Variants in DTL observed in about 807,000 individuals in gnomAD.
The protein encoded by DTL is denticleless protein homolog.
DTL carries 46 observed loss-of-function variants against 87.0 expected under a neutral mutation model. The ratio of observed to expected loss-of-function variants is 0.53; its 90% CI spans 0.42 to 0.68. DTL has a LOEUF of 0.68. DTL is among the 30% of genes least tolerant of loss of function. The pLI is 0.00. For missense variants in DTL, 737 were observed against 869.4 expected (o/e 0.85, Z 1.91); for synonymous variants, 308 against 311.2 (o/e 0.99, Z 0.11).
At position 212,065,021 on chromosome 1, in the gene DTL, C is replaced by A; in HGVS notation, c.631C>A (p.Pro211Thr). ...KKKQNSKGLA[P>T]SVDFQQSVTV... ...GAAACAGAATTCAAAAGGACTTGCT[C>A]CTTCTGTGGTAAGGTTTTACAGATG... Residue 211 changes from proline to threonine, a missense_variant, in exon 7 of 15, where the codon CCT becomes ACT. By Grantham distance (38) the Pro-to-Thr change is conservative. Transcript: ENST00000366991. The A allele has an allele frequency of 6.2e-7, 1 of 1,612,058 alleles. No individual in the cohort carries two copies. The highest frequency in any genetic ancestry group is 8.5e-7 in the Non-Finnish European group (1 of 1,178,224).
At chr1:212,096,184 C>CT (rs1235588570) in intron 13 of DTL, among the ~76,000 whole-genome samples, 1 of 152,080 alleles carries the variant, frequency 6.6e-6, no homozygotes, top group Admixed American at 6.5e-5. Context: ...CTTGAATGAT[C>CT]TTTTGTATTT....
Position 212,103,573 on chromosome 1 carries a change from C to G in DTL, c.*633C>G, listed in dbSNP as rs984489023. 6.6e-6 allele frequency: 1 copy of G among 152,148 alleles called. No individual in the cohort carries two copies. The highest frequency in any genetic ancestry group is 1.5e-5 in the Non-Finnish European group (1 of 68,034). The allele number at this position is 152,148 out of a possible 1,614,324, so 9.4% of individuals were successfully genotyped here. A position where few individuals can be genotyped will look rare whatever the true frequency, so the allele number is the denominator to read the frequency against. ...TTAAATGCAGTGATAAATGTCAACT[C>G]TTCGGAGAAACTAGGAGAACAACAA... On this transcript the variant is annotated 3_prime_UTR_variant, in exon 15 of 15. Coordinates refer to ENST00000366991, the MANE Select transcript of DTL (RefSeq NM_016448.4).
At chr1:212,064,786 G>T in intron 6 of DTL, 131 bp from the exon 7 acceptor site, 1 of 683,778 alleles carries the variant, frequency 1.5e-6, no homozygotes. Flanking sequence ...GAGATGTAGT[G>T]CAGCTGGCTC....
intron 13 of DTL, among the ~76,000 whole-genome samples, chr1:212,088,315 C>T (rs1283248000): frequency 6.6e-6 from 1 of 152,226 alleles, no homozygotes; most frequent in Non-Finnish European, 1.5e-5. Context: ...CCTAGAACCT[C>T]ACCTGTATCC....
At position 212,047,404 on chromosome 1, in the gene DTL, T is replaced by C. The variant is rs750216959; in HGVS notation, c.447T>C (p.Ser149=). 1 of 1,614,234 alleles carries C rather than the reference T, an allele frequency of 6.2e-7. No homozygotes were observed. ...HQCSLKSVAF[S]KFEKAVFCTG... is the part of the protein sequence containing the mutation. ...GCAGCCTCAAGTCAGTTGCCTTTTC[T>C]AAGTTTGAGAAAGGTAGGTTTGTGC... The change falls in exon 5 of 15, where the codon TCT becomes TCC. Residue 149 remains serine (S), a synonymous_variant. Transcript: ENST00000366991.
At chr1:212,079,677 G>A (rs1654935412) in intron 12 of DTL, among the ~76,000 whole-genome samples, 1 of 152,084 alleles carries the variant, frequency 6.6e-6, no homozygotes, top group Non-Finnish European at 1.5e-5. Flanking sequence ...GATAAAGAAT[G>A]TAAACTACCA....
intron 9 of DTL, 39 bp from the exon 10 acceptor site, chr1:212,068,560 C>A (rs1233644887): frequency 1.6e-6 from 2 of 1,279,072 alleles, no homozygotes; most frequent in Admixed American, 1.7e-5. Flanking sequence ...ATCTACTCAC[C>A]ATCATCAGGA....
At chr1:212,051,472 T>TTTTTTTTTTTTTTTTG in intron 5 of DTL, 1 of 312,510 alleles carries the variant, frequency 3.2e-6, no homozygotes, top group South Asian at 3.6e-5. Context: ...TTTTTTTTTT[T>TTTTTTTTTTTTTTTTG]TTTTTTTTTT....
rs1279164326 is a variant in DTL at position 212,043,088 on chromosome 1, G to A, written c.148G>A (p.Val50Ile). The change falls in exon 2 of 15, where the codon GTT becomes ATT. Residue 50 changes from valine to isoleucine, a missense_variant. By Grantham distance (29) the Val-to-Ile change is conservative. Transcript: ENST00000366991. ...TTCTTATGGAGAAACAGGAGTCCCAGTTCCTCCTTTTGGATGTACCTTCTC... is the reference window on the plus strand; with the variant it reads ...TTCTTATGGAGAAACAGGAGTCCCAATTCCTCCTTTTGGATGTACCTTCTC... ...HTSYGETGVP[V>I]PPFGCTFSSA... 4 of 1,613,024 alleles carry A rather than the reference G, an allele frequency of 2.5e-6. No homozygotes were observed. The African/African-American group carries it at 5.3e-5, about 22-fold the overall frequency.
intron 10 of DTL, among the ~76,000 whole-genome samples, chr1:212,071,117 A>G (rs1306582721): frequency 6.6e-6 from 1 of 152,326 alleles, no homozygotes; most frequent in East Asian, 1.9e-4. Context: ...AGTATTTGCT[A>G]TGCCTGCATA....
chr1:212,075,454 T>C (rs964686309), intron 11 of DTL, among the ~76,000 whole-genome samples: 1 of 152,126 alleles, frequency 6.6e-6, no homozygotes, highest in Non-Finnish European at 1.5e-5. Flanking sequence ...GAAAGGAAGC[T>C]TTAAAAAATG....
intron 13 of DTL, among the ~76,000 whole-genome samples, chr1:212,092,749 A>G (rs1054150796): frequency 1.1e-4 from 17 of 152,136 alleles, no homozygotes; most frequent in Admixed American, 1.0e-3. Flanking sequence ...TGTTTTTTTC[A>G]TATAATAACT....
At position 212,035,928 on chromosome 1, in the gene DTL, G is replaced by A; in HGVS notation, c.38G>A (p.Gly13Asp). 1 of 1,614,150 alleles carries A rather than the reference G, an allele frequency of 6.2e-7. No homozygotes were observed. The highest frequency in any genetic ancestry group is 8.5e-7 in the Non-Finnish European group (1 of 1,180,028). ...FNSVLRQPQL[G>D]VLRNGWSSQY... Reference sequence around the variant, plus strand: ...TCGGTGCTCCGCCAGCCCCAGCTTGGCGTCCTGAGAAATGGTGAGTAACGG... The same window carrying A: ...TCGGTGCTCCGCCAGCCCCAGCTTGACGTCCTGAGAAATGGTGAGTAACGG... The change falls in exon 1 of 15, where the codon GGC (glycine) becomes GAC (aspartate). Residue 13 changes from glycine (G) to aspartate (D), a missense_variant. Gly to Asp is a moderately conservative substitution (Grantham distance 94). Transcript: ENST00000366991.
At chr1:212,070,657 G>A (rs563252266) in intron 10 of DTL, among the ~76,000 whole-genome samples, 6 of 143,030 alleles carry the variant, frequency 4.2e-5, no homozygotes, top group East Asian at 2.0e-4. Context: ...TGTGTGTAAC[G>A]TCTTGTAATT....
At chr1:212,036,040 A>T in intron 1 of DTL, 98 bp downstream of exon 1, 1 of 1,190,516 alleles carries the variant, frequency 8.4e-7, no homozygotes, top group Non-Finnish European at 1.2e-6. Flanking sequence ...TTCTGAACTC[A>T]GCTTCTGAGT....
At chr1:212,053,983 G>A (rs1291037247) in intron 5 of DTL, among the ~76,000 whole-genome samples, 1 of 152,136 alleles carries the variant, frequency 6.6e-6, no homozygotes, top group Non-Finnish European at 1.5e-5. Flanking sequence ...ATTGCGAGTG[G>A]TATGTTGGAT....
intron 6 of DTL, among the ~76,000 whole-genome samples, chr1:212,063,296 A>ATT (rs879847011): frequency 7.0e-6 from 1 of 142,796 alleles, no homozygotes. Flanking sequence ...TATTATTATT[A>ATT]TTTTTTTTTT....
intron 7 of DTL, 127 bp downstream of exon 7, chr1:212,065,156 T>C (rs1483447038): frequency 1.5e-6 from 1 of 664,188 alleles, no homozygotes; most frequent in Non-Finnish European, 2.5e-6. Flanking sequence ...TATTGCTTAT[T>C]CAGTACCTAC....
chr1:212,100,580 C>G lies in DTL; in HGVS notation c.1590C>G (p.Ala530=). The G allele has an allele frequency of 1.9e-6, 3 of 1,613,960 alleles. No homozygotes were observed. Among genetic ancestry groups the G allele is most frequent in the Non-Finnish European group, 1.7e-6 (2 of 1,180,016 alleles). Residue 530 remains alanine, a synonymous_variant, in exon 14 of 15, where the codon GCC becomes GCG. Transcript: ENST00000366991. ...CCAAGATCATGTCTCCGAGAAAAGC[C>G]CTTATTCCTGTGAGCCAGAAGTCAT... The part of the protein sequence containing the change: ...SETKIMSPRK[A]LIPVSQKSSQ...
Sources: allele counts gnomAD v4.1 joint callset (sites outside exome capture counted in the v4.1 genomes callset), GRCh38; gene constraint gnomAD v4.1.1; transcripts MANE v1.5; gene names NCBI Gene and HGNC (gene_info 2026-07-23, HGNC 2026-07-21).